BCAP29: variants seen among roughly 807,000 people sequenced by gnomAD.
The protein encoded by BCAP29 is B-cell receptor-associated protein 29.
Under a neutral mutation model 31.8 loss-of-function variants are expected in BCAP29, and 34 were observed. That is an observed-to-expected ratio of 1.07 (90% confidence interval 0.81 to 1.42). BCAP29 has a LOEUF of 1.42. Among genes scored for constraint, BCAP29 ranks in the 40% most tolerant of loss-of-function variants. BCAP29 has a pLI of 0.00. For synonymous variants in BCAP29, 104 were observed against 91.3 expected (o/e 1.14, Z -0.79); for missense variants, 314 against 269.2 (o/e 1.17, Z -1.16).
chr7:107,600,100 G>T, intron 5 of BCAP29: 1 of 346,960 alleles, frequency 2.9e-6, no homozygotes. Context: ...AATTGAGGAA[G>T]AAAGACTGAC....
chr7:107,614,177 C>CT (rs1328717410), intron 7 of BCAP29, among the ~76,000 whole-genome samples: 1 of 152,212 alleles, frequency 6.6e-6, no homozygotes, highest in Non-Finnish European at 1.5e-5. Context: ...GCCTTTGTGG[C>CT]TTTCAGTCAG....
chr7:107,609,128 G>A (rs547949998), intron 6 of BCAP29, among the ~76,000 whole-genome samples: 13 of 152,208 alleles, frequency 8.5e-5, no homozygotes, highest in Non-Finnish European at 1.9e-4. Flanking sequence ...GCCAGATGAA[G>A]TAGGAGGAGA....
At chr7:107,613,527 G>A in intron 7 of BCAP29, 95 bp downstream of exon 7, 1 of 1,308,778 alleles carries the variant, frequency 7.6e-7, no homozygotes, top group Non-Finnish European at 1.1e-6. Flanking sequence ...TAATCAAGAT[G>A]ATGTACTTAA....
chr7:107,613,717 A>T, intron 7 of BCAP29: 1 of 1,613,816 alleles, frequency 6.2e-7, no homozygotes. Context: ...TGGAAAACAG[A>T]CTGGTTCTAG....
rs1807148806 is a variant in BCAP29, at chr7:107,583,884, G to C, written c.95G>C (p.Trp32Ser). ...FCLPFIPPQR[W>S]QKIFSFNVWG... Reference sequence around the variant, plus strand: ...AATATAATTGTATTGCTTTACAGATGGCAGAAGATTTTTTCATTTAATGTC... The same window carrying C: ...AATATAATTGTATTGCTTTACAGATCGCAGAAGATTTTTTCATTTAATGTC... Residue 32 changes from tryptophan to serine, a missense_variant and splice_region_variant, in exon 3 of 8, where the codon TGG (tryptophan) becomes TCG (serine). Trp to Ser is a radical substitution (Grantham distance 177, BLOSUM62 -3). Transcript: ENST00000005259. The C allele has an allele frequency of 6.5e-7, 1 of 1,537,390 alleles. No homozygotes were observed. The highest frequency in any genetic ancestry group is 1.4e-5 in the African/African-American group (1 of 72,164).
chr7:107,594,362 AT>A (rs1809420752), intron 4 of BCAP29, among the ~76,000 whole-genome samples: 1 of 151,766 alleles, frequency 6.6e-6, no homozygotes, highest in Admixed American at 6.6e-5. Flanking sequence ...TAATTTTTAA[AT>A]TTTTTGTAGA....
chr7:107,583,858 TA>T, intron 2 of BCAP29, 23 bp from the exon 3 acceptor site: 1 of 1,270,850 alleles, frequency 7.9e-7, no homozygotes, highest in Non-Finnish European at 1.1e-6. Context: ...TTTTTATACC[TA>T]ATATAATTGT....
intron 4 of BCAP29, 101 bp from the exon 5 acceptor site, chr7:107,595,766 C>T: frequency 7.8e-7 from 1 of 1,284,410 alleles, no homozygotes; most frequent in African/African-American, 1.6e-5. Flanking sequence ...TATCTGCCAC[C>T]ACCACACCTA....
intron 3 of BCAP29, among the ~76,000 whole-genome samples, chr7:107,593,041 A>T (rs1050468578): frequency 6.6e-6 from 1 of 152,220 alleles, no homozygotes; most frequent in African/African-American, 2.4e-5. Flanking sequence ...CATTTTAAAG[A>T]GGTAAATTTT....
intron 4 of BCAP29, 158 bp downstream of exon 4, chr7:107,594,263 A>G (rs1809402559): frequency 1.6e-6 from 1 of 632,344 alleles, no homozygotes; most frequent in Middle Eastern, 4.3e-4. Context: ...TTCATAGCTC[A>G]CTGTAACTTC....
chr7:107,598,629 T>C (rs926220782), intron 5 of BCAP29, among the ~76,000 whole-genome samples: 7 of 152,188 alleles, frequency 4.6e-5, no homozygotes, highest in Non-Finnish European at 1.0e-4. Flanking sequence ...TTGCATGTAG[T>C]CATTGCTCAG....
At chr7:107,611,283 T>A (rs917406027) in intron 6 of BCAP29, among the ~76,000 whole-genome samples, 1 of 152,146 alleles carries the variant, frequency 6.6e-6, no homozygotes, top group Non-Finnish European at 1.5e-5. Flanking sequence ...ACTACCATTG[T>A]AGGCCAGGGG....
intron 3 of BCAP29, among the ~76,000 whole-genome samples, chr7:107,592,495 G>A (rs1454049825): frequency 6.6e-6 from 1 of 152,206 alleles, no homozygotes; most frequent in African/African-American, 2.4e-5. Context: ...GGAATGTAAA[G>A]TAGTACAGCT....
chr7:107,588,446 A>G (rs951561745), intron 3 of BCAP29, among the ~76,000 whole-genome samples: 3 of 152,212 alleles, frequency 2.0e-5, no homozygotes, highest in African/African-American at 4.8e-5. Flanking sequence ...TGTTAAAGAC[A>G]TAGGAGTCTG....
intron 5 of BCAP29, 174 bp from the exon 6 acceptor site, chr7:107,600,223 A>C (rs1385907301): frequency 1.6e-6 from 1 of 643,404 alleles, no homozygotes; most frequent in South Asian, 1.6e-5. Context: ...GTGTTTCCCA[A>C]ATATTAAGTT....
intron 6 of BCAP29, among the ~76,000 whole-genome samples, chr7:107,607,245 A>G (rs949496419): frequency 4.6e-5 from 7 of 152,326 alleles, no homozygotes; most frequent in East Asian, 1.9e-4. Flanking sequence ...TGAGCCTGGG[A>G]GGCACAGGTT....
chr7:107,611,124 T>G (rs1813046689), intron 6 of BCAP29, among the ~76,000 whole-genome samples: 1 of 152,180 alleles, frequency 6.6e-6, no homozygotes, highest in Admixed American at 6.5e-5. Flanking sequence ...TTTTTATTAG[T>G]GCACGAATCC....
chr7:107,591,641 T>TACACACACACACAC (rs924671499), intron 3 of BCAP29, among the ~76,000 whole-genome samples: 2 of 41,740 alleles, frequency 4.8e-5, no homozygotes, highest in African/African-American at 5.2e-5. Context: ...CATACACACA[T>TACACACACACACAC]ACACACACAC....
At chr7:107,594,911 T>G (rs1356336707) in intron 4 of BCAP29, among the ~76,000 whole-genome samples, 1 of 152,192 alleles carries the variant, frequency 6.6e-6, no homozygotes, top group Non-Finnish European at 1.5e-5. Context: ...CCTGAATGAT[T>G]AGGCTCCTGC....
Sources: gnomAD v4.1 joint callset for allele counts (sites outside exome capture counted in the v4.1 genomes callset) on GRCh38, gnomAD v4.1.1 for gene constraint, MANE v1.5 for transcripts, NCBI Gene and HGNC (gene_info 2026-07-23, HGNC 2026-07-21) for gene names.